Variants in LRRIQ3 observed in about 807,000 individuals in gnomAD.
LRRIQ3 encodes the protein leucine-rich repeat and IQ domain-containing protein 3.
In LRRIQ3, 75 loss-of-function variants were observed where a neutral mutation model predicts 59.3. That is an observed-to-expected ratio of 1.26 (90% CI 1.05 to 1.53). LRRIQ3 has a LOEUF of 1.53. Among genes scored for constraint, LRRIQ3 ranks in the 40% most tolerant of loss-of-function variants. LRRIQ3 has a pLI of 0.00. For missense variants in LRRIQ3, 831 were observed against 710.0 expected (o/e 1.17, Z -1.94); for synonymous variants, 250 against 231.3 (o/e 1.08, Z -0.73).
intron 4 of LRRIQ3, among the ~76,000 whole-genome samples, chr1:74,130,197 G>A (rs1189857375): frequency 6.6e-6 from 1 of 152,038 alleles, no homozygotes; most frequent in Non-Finnish European, 1.5e-5. Context: ...TTGTGGTCTA[G>A]ACTGCCTTTC....
At chr1:74,173,614 T>C (rs1649462228) in intron 3 of LRRIQ3, among the ~76,000 whole-genome samples, 2 of 152,134 alleles carry the variant, frequency 1.3e-5, no homozygotes, top group African/African-American at 4.8e-5. Flanking sequence ...TGTACATTTC[T>C]GCACTTTTAC....
At chr1:74,197,756 ATTCAGACTGTGTATGTATCATG>A (rs1366359563) in intron 1 of LRRIQ3, among the ~76,000 whole-genome samples, 1 of 152,166 alleles carries the variant, frequency 6.6e-6, no homozygotes, top group Non-Finnish European at 1.5e-5. Context: ...GATTTTAAAT[ATTCAGACTGTGTATGTATCATG>A]ACCCAGGGTT....
intron 5 of LRRIQ3, among the ~76,000 whole-genome samples, chr1:74,089,927 A>G (rs1244202132): frequency 1.3e-5 from 2 of 152,048 alleles, no homozygotes; most frequent in African/African-American, 4.8e-5. Context: ...ACAATGTGAG[A>G]TACCAAAGAT....
intron 5 of LRRIQ3, among the ~76,000 whole-genome samples, chr1:74,081,298 G>GC (rs1646271122): frequency 1.3e-5 from 2 of 151,552 alleles, no homozygotes; most frequent in African/African-American, 4.8e-5. Context: ...ATATTATGCT[G>GC]CAAGTGTCCA....
intron 5 of LRRIQ3, among the ~76,000 whole-genome samples, chr1:74,077,461 CA>C (rs1178584132): frequency 2.6e-5 from 4 of 151,468 alleles, no homozygotes; most frequent in Middle Eastern, 3.4e-3. Flanking sequence ...GAACCCCCCC[CA>C]AAAAAAATCT....
intron 1 of LRRIQ3, among the ~76,000 whole-genome samples, chr1:74,193,305 A>G (rs886275075): frequency 1.3e-5 from 2 of 152,194 alleles, no homozygotes; most frequent in Admixed American, 1.3e-4. Context: ...ACAGTTTCAA[A>G]GAAATTCTGC....
At chr1:74,159,213 T>G (rs2100675458) in intron 3 of LRRIQ3, among the ~76,000 whole-genome samples, 1 of 152,296 alleles carries the variant, frequency 6.6e-6, no homozygotes, top group East Asian at 1.9e-4. Context: ...AATAGTTCCT[T>G]TCCCTCACGT....
chr1:74,131,942 T>C (rs1647028278), intron 4 of LRRIQ3, among the ~76,000 whole-genome samples: 1 of 152,214 alleles, frequency 6.6e-6, no homozygotes, highest in Admixed American at 6.5e-5. Flanking sequence ...AAATTGTTCC[T>C]GTTTGCAGAT....
chr1:74,031,287 A>C (rs1374135189), intron 7 of LRRIQ3, among the ~76,000 whole-genome samples: 2 of 152,192 alleles, frequency 1.3e-5, no homozygotes, highest in African/African-American at 4.8e-5. Context: ...ATTATAAATC[A>C]TGCTGCTATA....
intron 3 of LRRIQ3, among the ~76,000 whole-genome samples, chr1:74,163,129 T>A (rs1402002274): frequency 1.3e-5 from 2 of 151,646 alleles, no homozygotes; most frequent in East Asian, 3.9e-4. Context: ...TATCAGTTAA[T>A]TTTTTTTAAA....
At chr1:74,155,105 A>G (rs1019600859) in intron 4 of LRRIQ3, among the ~76,000 whole-genome samples, 23 of 152,150 alleles carry the variant, frequency 1.5e-4, no homozygotes, top group African/African-American at 5.6e-4. Flanking sequence ...CGTCAATCCT[A>G]TCTATATTTC....
chr1:74,154,865 T>C lies in LRRIQ3; in HGVS notation c.707+868A>G, dbSNP rs145092693. Among the ~76,000 whole-genome samples, 309 of 152,320 alleles carry C rather than the reference T, an allele frequency of 2.0e-3. 3 individuals carry two copies. The highest frequency in any genetic ancestry group is 6.7e-3 in the African/African-American group (278 of 41,576). On this transcript the variant is annotated intron_variant, in intron 4 of 7. Transcript: ENST00000354431. ...AGTGTGGAAAATTATGTGGAACCAC[T>C]TCCTCAGAAGTCGGAGGCACTGTAT...
At chr1:74,165,718 C>T (rs1438965171) in intron 3 of LRRIQ3, among the ~76,000 whole-genome samples, 1 of 151,518 alleles carries the variant, frequency 6.6e-6, no homozygotes, top group Non-Finnish European at 1.5e-5. Flanking sequence ...TAGGTATTTT[C>T]TTGATGTTTT....
At chr1:74,133,424 G>A (rs1404560336) in intron 4 of LRRIQ3, among the ~76,000 whole-genome samples, 1 of 151,888 alleles carries the variant, frequency 6.6e-6, no homozygotes, top group Non-Finnish European at 1.5e-5. Flanking sequence ...TATGTTTATT[G>A]CGGCACTATT....
intron 3 of LRRIQ3, among the ~76,000 whole-genome samples, chr1:74,171,538 T>C (rs1649321504): frequency 6.6e-6 from 1 of 152,228 alleles, no homozygotes; most frequent in South Asian, 2.1e-4. Flanking sequence ...TACTGTTGGA[T>C]TCAGTTTCTT....
intron 6 of LRRIQ3, among the ~76,000 whole-genome samples, chr1:74,063,078 AAAAAT>A (rs1466590585): frequency 6.8e-6 from 1 of 146,484 alleles, no homozygotes; most frequent in Non-Finnish European, 1.5e-5. Context: ...ACAAAACAAA[AAAAAT>A]CAAAACAAAA....
At chr1:74,187,677 C>A (rs1051598099) in intron 1 of LRRIQ3, among the ~76,000 whole-genome samples, 2 of 152,036 alleles carry the variant, frequency 1.3e-5, no homozygotes, top group Non-Finnish European at 2.9e-5. Flanking sequence ...TCTCAGAAAT[C>A]ATCACTAAAG....
intron 4 of LRRIQ3, among the ~76,000 whole-genome samples, chr1:74,130,273 A>T (rs573261806): frequency 7.2e-5 from 11 of 152,220 alleles, no homozygotes; most frequent in Admixed American, 6.6e-4. Flanking sequence ...GTTAGAACTT[A>T]GGCTCTGACC....
At chr1:74,149,427 T>C (rs1318110362) in intron 4 of LRRIQ3, among the ~76,000 whole-genome samples, 2 of 152,182 alleles carry the variant, frequency 1.3e-5, no homozygotes, top group Non-Finnish European at 2.9e-5. Context: ...CAGAATTTTT[T>C]CATATCACAT....
Sources: allele counts gnomAD v4.1 joint callset (sites outside exome capture counted in the v4.1 genomes callset), GRCh38; gene constraint gnomAD v4.1.1; transcripts MANE v1.5; gene names NCBI Gene and HGNC (gene_info 2026-07-23, HGNC 2026-07-21).